SNX5: variants seen among roughly 807,000 people sequenced by gnomAD.
SNX5 encodes sorting nexin 5.
A neutral mutation model predicts 53.9 loss-of-function variants in SNX5; 31 were observed. The ratio of observed to expected loss-of-function variants is 0.58; its 90% CI spans 0.43 to 0.78. The LOEUF (loss-of-function observed/expected upper bound fraction) is 0.78, where lower values mean the gene tolerates loss of function less well. Among genes scored for constraint, SNX5 ranks in the 30% least tolerant of loss-of-function variants. SNX5 has a pLI of 0.00. For synonymous variants in SNX5, 168 were observed against 171.1 expected (o/e 0.98, Z 0.14); for missense variants, 471 against 478.8 (o/e 0.98, Z 0.15).
Position 17,954,083 on chromosome 20 carries a change from C to T in SNX5, c.302G>A (p.Gly101Asp). 6.2e-7 allele frequency: 1 copy of T among 1,613,890 alleles called. No homozygotes were observed. The highest frequency in any genetic ancestry group is 8.5e-7 in the Non-Finnish European group (1 of 1,179,818). The part of the protein sequence containing the change: ...PPAPTKPDFD[G>D]PREKMQKLGE... ...CAGTTTCTGCATCTTCTCTCGAGGA[C>T]CATCAAAGTCGGGCTTCGTAGGAGC... Residue 101 changes from glycine to aspartate, a missense_variant, in exon 4 of 13, where the codon GGT becomes GAT. By Grantham distance (94) the Gly-to-Asp change is moderately conservative. Coordinates refer to ENST00000377759, the MANE Select transcript of SNX5 (RefSeq NM_014426.4).
intron 1 of SNX5, chr20:17,967,837 A>C (rs1404412519): frequency 2.6e-6 from 1 of 387,606 alleles, no homozygotes; most frequent in Non-Finnish European, 4.6e-6. Context: ...GCACCTACTA[A>C]AAATTACACA....
intron 6 of SNX5, 35 bp downstream of exon 6, chr20:17,951,464 GT>G (rs762639196): frequency 3.1e-6 from 4 of 1,307,456 alleles, no homozygotes; most frequent in Middle Eastern, 2.6e-4. Flanking sequence ...TCCCGATGAA[GT>G]AAAAAATTTT....
intron 9 of SNX5, 39 bp from the exon 10 acceptor site, chr20:17,949,015 C>G: frequency 1.2e-6 from 2 of 1,606,838 alleles, no homozygotes; most frequent in African/African-American, 2.7e-5. Flanking sequence ...AGGCAGAAAG[C>G]TATAGATTAT....
At chr20:17,953,154 A>ATCTGTTGTGTTCAGTGCCTCAT (rs1449879330) in intron 4 of SNX5, among the ~76,000 whole-genome samples, 1 of 152,156 alleles carries the variant, frequency 6.6e-6, no homozygotes, top group African/African-American at 2.4e-5. Flanking sequence ...AGAAACTTGG[A>ATCTGTTGTGTTCAGTGCCTCAT]TCTGTTGTGT....
intron 1 of SNX5, chr20:17,962,027 T>C (rs936920562): frequency 1.7e-4 from 164 of 966,434 alleles, no homozygotes; most frequent in Non-Finnish European, 1.9e-4. Context: ...TTGTTACTGT[T>C]TGAACTCTCA....
At chr20:17,950,010 T>C in intron 8 of SNX5, 122 bp downstream of exon 8, 2 of 759,792 alleles carry the variant, frequency 2.6e-6, no homozygotes, top group Admixed American at 5.1e-5. Flanking sequence ...GCTAGAGACT[T>C]GTCTTACTGA....
intron 11 of SNX5, among the ~76,000 whole-genome samples, chr20:17,946,077 G>T (rs1039824022): frequency 2.0e-5 from 3 of 152,150 alleles, no homozygotes; most frequent in African/African-American, 7.2e-5. Flanking sequence ...ATCCTCTTAG[G>T]TAAGGACTAC....
At chr20:17,949,882 G>A (rs2039540068) in intron 8 of SNX5, among the ~76,000 whole-genome samples, 1 of 152,224 alleles carries the variant, frequency 6.6e-6, no homozygotes, top group South Asian at 2.1e-4. Flanking sequence ...AGGCTTTTAA[G>A]TGTGACAGAA....
chr20:17,949,633 G>C (rs1360645657), intron 8 of SNX5, among the ~76,000 whole-genome samples: 1 of 152,162 alleles, frequency 6.6e-6, no homozygotes, highest in African/African-American at 2.4e-5. Context: ...GGTAATTTCA[G>C]AAAATTGTAC....
chr20:17,955,213 A>C, intron 3 of SNX5, 152 bp downstream of exon 3: 1 of 605,904 alleles, frequency 1.7e-6, no homozygotes, highest in Non-Finnish European at 3.0e-6. Flanking sequence ...ATTCCTTCAC[A>C]TACTTTCCAC....
In SNX5 at chr20:17,968,452, G is replaced by T. The variant is rs770339125; in HGVS notation, c.-27C>A. On this transcript the variant is annotated 5_prime_UTR_variant, in exon 1 of 13. Transcript: ENST00000377759. Reference sequence around the variant, plus strand: ...GCGACGCGGGACTCGAGCAGGGGCCGCCTGGCTGTGCGAGGAAAGAAGAAG... The same window carrying T: ...GCGACGCGGGACTCGAGCAGGGGCCTCCTGGCTGTGCGAGGAAAGAAGAAG... 2.1e-5 allele frequency: 27 copies of T among 1,289,336 alleles called. No individual in the cohort carries two copies. The highest frequency in any genetic ancestry group is 2.4e-5 in the Non-Finnish European group (24 of 1,016,368). 79.9% of individuals were successfully genotyped at this position (1,289,336 alleles called of 1,614,324 possible). A position where few individuals can be genotyped will look rare whatever the true frequency, so the allele number is the denominator to read the frequency against.
chr20:17,963,828 T>A (rs927493456), intron 1 of SNX5, among the ~76,000 whole-genome samples: 1 of 152,234 alleles, frequency 6.6e-6, no homozygotes, highest in African/African-American at 2.4e-5. Context: ...TGTTTGAACT[T>A]AACCTTGGTC....
intron 6 of SNX5, 51 bp from the exon 7 acceptor site, chr20:17,950,447 GCAGCCTTTTA>G (rs1227681865): frequency 6.8e-6 from 7 of 1,028,168 alleles, no homozygotes; most frequent in Non-Finnish European, 1.0e-5. Context: ...TACTATCCCT[GCAGCCTTTTA>G]CATTTATCAA....
chr20:17,968,347 C>G, intron 1 of SNX5, 28 bp downstream of exon 1: 1 of 1,261,392 alleles, frequency 7.9e-7, no homozygotes, highest in Non-Finnish European at 1.0e-6. Flanking sequence ...GCCGCCCGCC[C>G]AGGAGTCTGA....
chr20:17,942,521 C>CA, intron 12 of SNX5, 114 bp from the exon 13 acceptor site: 1 of 776,404 alleles, frequency 1.3e-6, no homozygotes, highest in East Asian at 2.5e-5. Context: ...TCAGCCAGAG[C>CA]AAGCTGGCCC....
intron 1 of SNX5, among the ~76,000 whole-genome samples, chr20:17,966,290 C>T (rs2035535556): frequency 6.6e-6 from 1 of 151,610 alleles, no homozygotes; most frequent in Admixed American, 6.6e-5. Flanking sequence ...GAGGCTGAGG[C>T]AGGAGAATCG....
rs558174629 is a variant in SNX5 at position 17,955,974 on chromosome 20, T to C, written c.157-499A>G. Among the ~76,000 whole-genome samples the C allele has an allele frequency of 2.0e-5, 3 of 152,270 alleles. No individual in the cohort carries two copies. The East Asian group carries it at 5.8e-4, about 29-fold the overall frequency. On this transcript the variant is annotated intron_variant, in intron 2 of 12. Coordinates refer to ENST00000377759, the MANE Select transcript of SNX5 (RefSeq NM_014426.4). ...CCACATCCGGCTAATTTTTATATTT[T>C]TGGAAGAGACAGGTTTTTGCCATGT...
chr20:17,956,075 C>A (rs574097311), intron 2 of SNX5, among the ~76,000 whole-genome samples: 1 of 152,262 alleles, frequency 6.6e-6, no homozygotes, highest in East Asian at 1.9e-4. Flanking sequence ...CCCAACCCAG[C>A]CCCAAATTCT....
intron 11 of SNX5, chr20:17,943,759 G>T (rs1206240938): frequency 6.6e-6 from 1 of 152,252 alleles, no homozygotes; most frequent in African/African-American, 2.4e-5. Context: ...TGCTGGGAAT[G>T]TAAATTAGTA....
Sources: gnomAD v4.1 joint callset for allele counts (sites outside exome capture counted in the v4.1 genomes callset) on GRCh38, gnomAD v4.1.1 for gene constraint, MANE v1.5 for transcripts, NCBI Gene and HGNC (gene_info 2026-07-23, HGNC 2026-07-21) for gene names.